Variants in FAM53A observed in about 807,000 individuals in gnomAD.
FAM53A encodes family with sequence similarity 53 member A.
FAM53A carries 28 observed loss-of-function variants against 26.6 expected under a neutral mutation model. That is an observed-to-expected ratio of 1.05 (90% CI 0.78 to 1.45). The LOEUF (loss-of-function observed/expected upper bound fraction) is 1.45. FAM53A is among the 40% of genes most tolerant of loss of function. FAM53A has a pLI of 0.00. For synonymous variants in FAM53A, 290 were observed against 253.1 expected (o/e 1.15, Z -1.38); for missense variants, 650 against 575.8 (o/e 1.13, Z -1.32).
chr4:1,640,129 G>C lies in FAM53A; in HGVS notation c.*1164C>G, dbSNP rs550206726. On this transcript the variant is annotated 3_prime_UTR_variant, in exon 5 of 5. Coordinates refer to ENST00000308132, the MANE Select transcript of FAM53A (RefSeq NM_001174070.3). ...TGCTGCCGGCAGGACAGCCTTCCCA[G>C]AGGTCTGGCACTACACCCCACCTGA... The C allele has an allele frequency of 6.5e-6, 1 of 154,216 alleles. No individual in the cohort carries two copies. Among genetic ancestry groups the C allele is most frequent in the Non-Finnish European group, 1.4e-5 (1 of 69,660 alleles). The allele number at this position is 154,216 out of a possible 1,614,324, so 9.6% of individuals were successfully genotyped here.
intron 4 of FAM53A, among the ~76,000 whole-genome samples, chr4:1,651,719 C>CACA (rs1712801324): frequency 6.7e-6 from 1 of 149,774 alleles, no homozygotes; most frequent in African/African-American, 2.4e-5. Context: ...GACAGGGACA[C>CACA]GCAGGCTCAG....
rs375387118 is a variant in FAM53A, at chr4:1,658,252, C to T, written c.76-784G>A. ...AGCCAGGATGGTCTCGATCTCTTCACCTCGTGATCTTCCCGCCTCAGCCTC... is the reference window on the plus strand; with the variant it reads ...AGCCAGGATGGTCTCGATCTCTTCATCTCGTGATCTTCCCGCCTCAGCCTC... On this transcript the variant is annotated intron_variant, in intron 2 of 4. Transcript: ENST00000308132. Among the ~76,000 whole-genome samples, 6 of 152,088 alleles carry T rather than the reference C, an allele frequency of 3.9e-5. No individual in the cohort carries two copies. The South Asian group carries it at 1.0e-3, about 26-fold the overall frequency.
intron 2 of FAM53A, among the ~76,000 whole-genome samples, chr4:1,665,910 C>T (rs1714186057): frequency 6.6e-6 from 1 of 151,956 alleles, no homozygotes; most frequent in South Asian, 2.1e-4. Flanking sequence ...AGCCAAGTGA[C>T]AAACCTGCAC....
downstream of FAM53A, among the ~76,000 whole-genome samples, chr4:1,613,508 G>A (rs1478706939): frequency 2.0e-5 from 3 of 152,162 alleles, no homozygotes; most frequent in African/African-American, 4.8e-5. Flanking sequence ...ACACAAACAC[G>A]CAAAACACTG....
the FAM53A span, among the ~76,000 whole-genome samples, chr4:1,578,948 G>C: frequency 6.0e-5 from 9 of 148,956 alleles, no homozygotes; most frequent in Non-Finnish European, 1.2e-4. Context: ...GAGAGGGGTC[G>C]CCTCTCGAGG....
chr4:1,644,219 A>G (rs1712024140), intron 4 of FAM53A: 2 of 1,535,758 alleles, frequency 1.3e-6, no homozygotes, highest in African/African-American at 1.4e-5. Flanking sequence ...TCCATTTCAA[A>G]CCACGGCGTT....
At chr4:1,610,202 C>T in the FAM53A span, among the ~76,000 whole-genome samples, 1 of 152,074 alleles carries the variant, frequency 6.6e-6, no homozygotes, top group Admixed American at 6.5e-5. Context: ...AGCAGCTTGT[C>T]CCCCTTCCCC....
chr4:1,644,373 C>T (rs1405779618), intron 4 of FAM53A: 4 of 1,533,286 alleles, frequency 2.6e-6, no homozygotes, highest in Non-Finnish European at 3.5e-6. Context: ...GCTCTGAACG[C>T]CTCTGGACGA....
At chr4:1,652,615 A>G in intron 4 of FAM53A, among the ~76,000 whole-genome samples, 1 of 146,204 alleles carries the variant, frequency 6.8e-6, no homozygotes, top group African/African-American at 2.5e-5. Flanking sequence ...CACTCACCAC[A>G]CACACACACA....
chr4:1,625,461 G>A (rs13136233), intron 1 of FAM53A, among the ~76,000 whole-genome samples: 2 of 74,360 alleles, frequency 2.7e-5, no homozygotes, highest in Non-Finnish European at 2.4e-5. Context: ...CCCACGTCCC[G>A]GCCCACGTGG....
Position 1,658,202 on chromosome 4 carries a change from C to T in FAM53A, c.76-734G>A, listed in dbSNP as rs964981427. ...ATTTTGTTTTTTTAAATATATTTTT[C>T]GTAGAGACAGGGTTTCACCGTGTCA... On this transcript the variant is annotated intron_variant, in intron 2 of 4. Transcript: ENST00000308132. 1.3e-4 allele frequency among the ~76,000 whole-genome samples: 19 copies of T among 148,414 alleles called. No homozygotes were observed. In the South Asian group the frequency reaches 2.8e-3, roughly 22 times the overall value.
At chr4:1,577,168 G>A in the FAM53A span, among the ~76,000 whole-genome samples, 3 of 152,288 alleles carry the variant, frequency 2.0e-5, no homozygotes, top group East Asian at 1.9e-4. Context: ...GCCTGACCAC[G>A]TGCCCAGGAC....
At chr4:1,677,087 C>T (rs139365258) in intron 1 of FAM53A, among the ~76,000 whole-genome samples, 71 of 152,268 alleles carry the variant, frequency 4.7e-4, no homozygotes, top group African/African-American at 1.7e-3. Context: ...TCGGGGCACC[C>T]CTCCCCCTCA....
upstream of FAM53A, chr4:1,684,443 G>A: frequency 6.7e-6 from 1 of 149,246 alleles, no homozygotes; most frequent in South Asian, 1.9e-4. Context: ...GCGCCGCGCC[G>A]ACGGAGGGGG....
At chr4:1,677,552 C>T (rs1334301836) in intron 1 of FAM53A, among the ~76,000 whole-genome samples, 2 of 152,202 alleles carry the variant, frequency 1.3e-5, no homozygotes, top group Non-Finnish European at 2.9e-5. Flanking sequence ...CTGGTCCCTG[C>T]ACTCTGTATC....
the FAM53A span, among the ~76,000 whole-genome samples, chr4:1,611,332 T>G: frequency 6.6e-6 from 1 of 152,116 alleles, no homozygotes; most frequent in African/African-American, 2.4e-5. Context: ...CCACCCCAGT[T>G]CGAAGCCTTG....
chr4:1,631,398 G>A (rs571644827), intron 1 of FAM53A, among the ~76,000 whole-genome samples: 7 of 152,370 alleles, frequency 4.6e-5, no homozygotes, highest in South Asian at 4.1e-4. Flanking sequence ...AGCCCAGGCC[G>A]TTCCCACACA....
At chr4:1,583,524 T>G in the FAM53A span, among the ~76,000 whole-genome samples, 2 of 152,232 alleles carry the variant, frequency 1.3e-5, no homozygotes, top group African/African-American at 4.8e-5. Flanking sequence ...GCACTTTGCA[T>G]GATCACCTCA....
At chr4:1,656,028 T>C (rs1193302388) in intron 3 of FAM53A, among the ~76,000 whole-genome samples, 1 of 152,194 alleles carries the variant, frequency 6.6e-6, no homozygotes, top group African/African-American at 2.4e-5. Flanking sequence ...ACAGCTTTGC[T>C]AAAACATTCT....
Sources: gnomAD v4.1 joint callset for allele counts (sites outside exome capture counted in the v4.1 genomes callset) on GRCh38, gnomAD v4.1.1 for gene constraint, MANE v1.5 for transcripts, NCBI Gene and HGNC (gene_info 2026-07-23, HGNC 2026-07-21) for gene names.